IL1RAPL1: variants seen among roughly 807,000 people sequenced by gnomAD.
The protein encoded by IL1RAPL1 is interleukin 1 receptor accessory protein like 1, also known as interleukin-1 receptor accessory protein-like 1.
A neutral mutation model predicts 48.4 loss-of-function variants in IL1RAPL1; 3 were observed. The ratio of observed to expected loss-of-function variants is 0.06; its 90% CI spans 0.03 to 0.16. The LOEUF (loss-of-function observed/expected upper bound fraction) is 0.16. Among genes scored for constraint, IL1RAPL1 ranks in the 10% least tolerant of loss-of-function variants. The probability of loss-of-function intolerance (pLI) is 1.00; values close to 1 mark genes in which losing one functional copy is unlikely to be tolerated. For synonymous variants in IL1RAPL1, 185 were observed against 187.7 expected, an observed-to-expected ratio of 0.99 and a Z score of 0.12; for missense variants, 349 against 530.6, an observed-to-expected ratio of 0.66 and a Z score of 3.36.
intron 2 of IL1RAPL1, among the ~76,000 whole-genome samples, chrX:29,026,850 G>T (rs765500006): frequency 1.7e-3 from 191 of 111,370 alleles, no homozygotes; most frequent in South Asian, 3.0e-3. Flanking sequence ...AAACAAGATT[G>T]GCCATAGTTT....
At chrX:29,587,764 G>C (rs1182801380) in intron 5 of IL1RAPL1, among the ~76,000 whole-genome samples, 3 of 112,315 alleles carry the variant, frequency 2.7e-5, no homozygotes, top group East Asian at 2.8e-4. Flanking sequence ...TAATATGCCA[G>C]ATGTTCCAAA....
chrX:29,592,265 A>G (rs1353984860), intron 5 of IL1RAPL1, among the ~76,000 whole-genome samples: 2 of 111,966 alleles, frequency 1.8e-5, no homozygotes, highest in South Asian at 3.7e-4. Flanking sequence ...GATTAGTTGT[A>G]TCATCTGTGA....
At chrX:28,856,005 A>C (rs1392969683) in intron 2 of IL1RAPL1, among the ~76,000 whole-genome samples, 1 of 112,009 alleles carries the variant, frequency 8.9e-6, no homozygotes, top group Non-Finnish European at 1.9e-5. Flanking sequence ...AAAATCTCCA[A>C]GTGGTCATAT....
chrX:29,317,258 T>C (rs1214195602), intron 3 of IL1RAPL1, among the ~76,000 whole-genome samples: 1 of 112,007 alleles, frequency 8.9e-6, no homozygotes, highest in Non-Finnish European at 1.9e-5. Flanking sequence ...CCAGAAAATA[T>C]GCAACATATG....
At chrX:29,162,052 T>C (rs1257630578) in intron 2 of IL1RAPL1, among the ~76,000 whole-genome samples, 2 of 111,869 alleles carry the variant, frequency 1.8e-5, no homozygotes, top group Non-Finnish European at 3.8e-5. Context: ...TTCATGTCCT[T>C]TGCAGGGAAA....
intron 3 of IL1RAPL1, among the ~76,000 whole-genome samples, chrX:29,294,878 G>T (rs1932426639): frequency 1.8e-5 from 2 of 110,946 alleles, no homozygotes; most frequent in Non-Finnish European, 3.8e-5. Flanking sequence ...TAGTTAGAAG[G>T]ATGACTGTAA....
At chrX:28,601,127 T>C (rs1372769411) in intron 1 of IL1RAPL1, among the ~76,000 whole-genome samples, 1 of 111,351 alleles carries the variant, frequency 9.0e-6, no homozygotes, top group African/African-American at 3.3e-5. Context: ...TTTACAGATA[T>C]AAACATCTCT....
intron 1 of IL1RAPL1, among the ~76,000 whole-genome samples, chrX:28,694,431 A>C (rs1441866650): frequency 8.9e-6 from 1 of 112,064 alleles, no homozygotes; most frequent in African/African-American, 3.2e-5. Flanking sequence ...GGCAGGCATG[A>C]GGATATTGCT....
chrX:29,792,127 C>T (rs1929651269), intron 6 of IL1RAPL1, among the ~76,000 whole-genome samples: 1 of 111,661 alleles, frequency 9.0e-6, no homozygotes, highest in Admixed American at 9.5e-5. Context: ...ACCCAATGGT[C>T]TCAGGCTTTT....
chrX:29,933,618 G>T (rs1932982492), intron 8 of IL1RAPL1, among the ~76,000 whole-genome samples: 1 of 99,060 alleles, frequency 1.0e-5, no homozygotes, highest in Admixed American at 1.1e-4. Context: ...AGTTAGCAAG[G>T]TATTTGGGAT....
chrX:29,951,489 T>G (rs1259844999), intron 9 of IL1RAPL1, among the ~76,000 whole-genome samples: 1 of 110,953 alleles, frequency 9.0e-6, no homozygotes, highest in Non-Finnish European at 1.9e-5. Flanking sequence ...ATTTGGTGAC[T>G]CTCTTCTCCA....
At chrX:29,664,990 G>A (rs1215119739) in intron 5 of IL1RAPL1, among the ~76,000 whole-genome samples, 1 of 112,307 alleles carries the variant, frequency 8.9e-6, no homozygotes, top group Non-Finnish European at 1.9e-5. Flanking sequence ...AATGTCTATA[G>A]AGCTTTACCG....
chrX:28,631,385 A>G (rs1422335008), intron 1 of IL1RAPL1, among the ~76,000 whole-genome samples: 1 of 112,157 alleles, frequency 8.9e-6, no homozygotes, highest in Non-Finnish European at 1.9e-5. Context: ...AATGAAGAAG[A>G]TATAAGAAAG....
intron 2 of IL1RAPL1, among the ~76,000 whole-genome samples, chrX:28,790,048 A>G (rs1170242200): frequency 1.8e-5 from 2 of 112,107 alleles, no homozygotes; most frequent in Non-Finnish European, 3.8e-5. Context: ...TGATAGTTCA[A>G]TTGTATGGGA....
At chrX:28,823,457 C>G (rs1015191715) in intron 2 of IL1RAPL1, among the ~76,000 whole-genome samples, 11 of 110,990 alleles carry the variant, frequency 9.9e-5, no homozygotes, top group Non-Finnish European at 1.3e-4. Context: ...GCTCCTTCCC[C>G]CTTCTTAGTT....
intron 2 of IL1RAPL1, among the ~76,000 whole-genome samples, chrX:28,977,891 G>A (rs1380432567): frequency 8.9e-6 from 1 of 111,777 alleles, no homozygotes; most frequent in Non-Finnish European, 1.9e-5. Flanking sequence ...AGGACCCGGG[G>A]GGTGGAGGTT....
chrX:28,772,374 G>T (rs1936319519), intron 1 of IL1RAPL1, among the ~76,000 whole-genome samples: 1 of 111,253 alleles, frequency 9.0e-6, no homozygotes, highest in South Asian at 3.8e-4. Context: ...TTCTGCTGGG[G>T]TGATTGCAAT....
At chrX:29,365,250 G>A (rs1003285069) in intron 3 of IL1RAPL1, among the ~76,000 whole-genome samples, 1 of 111,895 alleles carries the variant, frequency 8.9e-6, no homozygotes, top group Non-Finnish European at 1.9e-5. Flanking sequence ...ATGGCACGTA[G>A]ATAGCACCAA....
rs150424834 is a variant in IL1RAPL1 at position 29,803,646 on chromosome X, C to T, written c.779-113818C>T. Among the ~76,000 whole-genome samples the T allele has an allele frequency of 2.5e-3, 252 of 102,104 alleles. 2 individuals are homozygous for T. The highest frequency in any genetic ancestry group is 8.3e-3 in the African/African-American group (231 of 27,841). 88.7% of individuals were successfully genotyped at this position (102,104 alleles called of 115,157 possible). ...ATGTATATATGTGTATATATATACA[C>T]GCGTGTATATATATACACACACACA... On this transcript the variant is annotated intron_variant, in intron 6 of 10. Transcript: ENST00000378993.
Sources: gnomAD v4.1 joint callset for allele counts (sites outside exome capture counted in the v4.1 genomes callset) on GRCh38, gnomAD v4.1.1 for gene constraint, MANE v1.5 for transcripts, NCBI Gene and HGNC (gene_info 2026-07-23, HGNC 2026-07-21) for gene names.